The following MAPK14 variants were observed in gnomAD, a reference collection of about 807,000 sequenced individuals.
MAPK14 encodes CSAID-binding protein.
Under a neutral mutation model 49.6 loss-of-function variants are expected in MAPK14, and 16 were observed. That is an observed-to-expected ratio of 0.32 (90% confidence interval 0.22 to 0.49). MAPK14 has a LOEUF of 0.49. Among genes scored for constraint, MAPK14 ranks in the 20% least tolerant of loss-of-function variants. The pLI is 0.99. For synonymous variants in MAPK14, 142 were observed against 158.0 expected, an observed-to-expected ratio of 0.90 and a Z score of 0.76; for missense variants, 200 against 441.2, an observed-to-expected ratio of 0.45 and a Z score of 4.90.
At position 36,028,089 on chromosome 6, in the gene MAPK14, G is replaced by T; in HGVS notation, c.-69G>T. 1 of 1,065,900 alleles carries T rather than the reference G, an allele frequency of 9.4e-7. No homozygotes were observed. Among genetic ancestry groups the T allele is most frequent in the Non-Finnish European group, 1.4e-6 (1 of 700,466 alleles). 66.0% of individuals were successfully genotyped at this position (1,065,900 alleles called of 1,614,324 possible). The stretch of plus-strand genomic sequence containing the variant: ...CCGGCTGGGCGGGCAGCAAGGGCCG[G>T]GGAGAGGGTGCGGGTGCAGGCGGGG... On this transcript the variant is annotated 5_prime_UTR_variant, in exon 1 of 12. Coordinates refer to ENST00000229794, the MANE Select transcript of MAPK14 (RefSeq NM_139012.3). This position sits in a 1 kb window ranked among gnomAD's most constrained non-coding sequence, Gnocchi z 5.1.
intron 3 of MAPK14, among the ~76,000 whole-genome samples, chr6:36,067,273 C>G (rs1764097324): frequency 6.6e-6 from 1 of 152,150 alleles, no homozygotes; most frequent in Non-Finnish European, 1.5e-5. Flanking sequence ...TCAGCAATCT[C>G]TCTCTAATTC....
At chr6:36,111,964 T>C (rs371227997), downstream of MAPK14, among the ~76,000 whole-genome samples, 149 of 152,186 alleles carry the variant, frequency 9.8e-4, no homozygotes, top group African/African-American at 3.5e-3. Flanking sequence ...CTCAGCACTT[T>C]GGGAGGCTGA....
At chr6:36,119,209 C>T in the MAPK14 span, among the ~76,000 whole-genome samples, 1 of 152,308 alleles carries the variant, frequency 6.6e-6, no homozygotes, top group Non-Finnish European at 1.5e-5. Flanking sequence ...ACACTTTCCT[C>T]CTTCAGCCAC....
intron 9 of MAPK14, among the ~76,000 whole-genome samples, chr6:36,101,643 A>T (rs930703192): frequency 6.6e-6 from 1 of 151,902 alleles, no homozygotes; most frequent in Non-Finnish European, 1.5e-5. Flanking sequence ...TCTCCCAAGT[A>T]GCTGGGACCA....
At chr6:36,046,969 ACT>A (rs1334246204) in intron 1 of MAPK14, among the ~76,000 whole-genome samples, 1 of 152,218 alleles carries the variant, frequency 6.6e-6, no homozygotes, top group Admixed American at 6.5e-5. Context: ...TGGAAGGCAA[ACT>A]CTGAGGTGGG....
intron 9 of MAPK14, among the ~76,000 whole-genome samples, chr6:36,102,114 A>G (rs903194864): frequency 6.6e-6 from 1 of 152,204 alleles, no homozygotes; most frequent in African/African-American, 2.4e-5. Flanking sequence ...TTTGTTAGCA[A>G]GGTTTAATAT....
At chr6:36,041,648 T>C (rs1762965365) in intron 1 of MAPK14, among the ~76,000 whole-genome samples, 1 of 152,212 alleles carries the variant, frequency 6.6e-6, no homozygotes, top group Admixed American at 6.5e-5. Context: ...GATGTCATCA[T>C]TAGCACTGAT....
chr6:36,064,527 A>G (rs1258616758), intron 3 of MAPK14, among the ~76,000 whole-genome samples: 1 of 152,128 alleles, frequency 6.6e-6, no homozygotes, highest in Non-Finnish European at 1.5e-5. Flanking sequence ...TTCTACCATG[A>G]TAGAAGGGAA....
chr6:36,036,827 A>G (rs996418180), intron 1 of MAPK14, among the ~76,000 whole-genome samples: 8 of 151,902 alleles, frequency 5.3e-5, no homozygotes, highest in Non-Finnish European at 8.8e-5. Flanking sequence ...TGCACCCTCC[A>G]CCTCCCAGGT....
At position 36,108,412 on chromosome 6, in the gene MAPK14, C is replaced by T. The variant is rs1459336613; in HGVS notation, c.1048C>T (p.Pro350Ser). ...CTATGATGAAGTCATCAGCTTTGTG[C>T]CACCACCCCTTGACCAAGAAGAGAT... ...LTYDEVISFV[P>S]PPLDQEEMES is the part of the protein sequence containing the mutation. The change falls in exon 12 of 12, where the codon CCA (proline) becomes TCA (serine). Residue 350 changes from proline (P) to serine (S), a missense_variant. Transcript: ENST00000229794. 2 of 1,613,830 alleles carry T rather than the reference C, an allele frequency of 1.2e-6. No homozygotes were observed. Among genetic ancestry groups the T allele is most frequent in the African/African-American group, 2.7e-5 (2 of 74,920 alleles).
chr6:36,039,726 T>C (rs1762888885), intron 1 of MAPK14, among the ~76,000 whole-genome samples: 1 of 152,074 alleles, frequency 6.6e-6, no homozygotes, highest in Non-Finnish European at 1.5e-5. Flanking sequence ...CAGTCCAGGC[T>C]GGGTGCAGTG....
chr6:36,051,526 C>T (rs116023927), intron 1 of MAPK14, among the ~76,000 whole-genome samples: 12 of 152,190 alleles, frequency 7.9e-5, no homozygotes, highest in East Asian at 3.8e-4. Context: ...GCTCCCTGTG[C>T]TCTACCCACA....
intron 8 of MAPK14, among the ~76,000 whole-genome samples, chr6:36,089,419 A>G (rs1400768203): frequency 6.6e-6 from 1 of 152,200 alleles, no homozygotes; most frequent in Non-Finnish European, 1.5e-5. Flanking sequence ...ATCAGGATAA[A>G]TAGCTAAGGC....
At chr6:36,118,568 G>C in the MAPK14 span, among the ~76,000 whole-genome samples, 1 of 152,162 alleles carries the variant, frequency 6.6e-6, no homozygotes, top group African/African-American at 2.4e-5. Context: ...GTCCTCTTGG[G>C]TTACCTCGAC....
At chr6:36,061,663 A>G (rs1763827216) in intron 3 of MAPK14, among the ~76,000 whole-genome samples, 2 of 152,244 alleles carry the variant, frequency 1.3e-5, no homozygotes, top group African/African-American at 4.8e-5. Context: ...CAGGCTCAGA[A>G]TAATCAGAAA....
At chr6:36,099,855 A>G (rs1765572916) in intron 9 of MAPK14, among the ~76,000 whole-genome samples, 1 of 152,264 alleles carries the variant, frequency 6.6e-6, no homozygotes, top group South Asian at 2.1e-4. Context: ...GGTTTTGGCC[A>G]TCAGTACTTG....
At chr6:36,048,182 C>T (rs1014994978) in intron 1 of MAPK14, among the ~76,000 whole-genome samples, 7 of 152,050 alleles carry the variant, frequency 4.6e-5, no homozygotes, top group Admixed American at 1.3e-4. Context: ...GCTGGGGTTA[C>T]AAGTGTGTGC....
intron 8 of MAPK14, chr6:36,092,050 T>C: frequency 2.1e-6 from 1 of 476,698 alleles, no homozygotes. Flanking sequence ...TGCTAGAGCA[T>C]GGGAATAGAC....
At chr6:36,053,161 G>A (rs1229891833) in intron 2 of MAPK14, among the ~76,000 whole-genome samples, 2 of 148,772 alleles carry the variant, frequency 1.3e-5, no homozygotes, top group Admixed American at 1.3e-4. Context: ...TTCTTTGCCT[G>A]GTTTTCCTAA....
Sources: allele counts gnomAD v4.1 joint callset (sites outside exome capture counted in the v4.1 genomes callset), GRCh38; gene constraint gnomAD v4.1.1; non-coding constraint Gnocchi (gnomAD v3.1); transcripts MANE v1.5; gene names NCBI Gene and HGNC (gene_info 2026-07-23, HGNC 2026-07-21).